The following GAL3ST3 variants were observed in gnomAD, a reference collection of about 807,000 sequenced individuals.
GAL3ST3 encodes galactose-3-O-sulfotransferase 3.
In GAL3ST3, 21 loss-of-function variants were observed where a neutral mutation model predicts 20.8. The ratio of observed to expected loss-of-function variants is 1.01; its 90% CI spans 0.72 to 1.45. GAL3ST3 has a LOEUF of 1.45. Ranked by LOEUF, GAL3ST3 falls within the 40% of genes most tolerant of loss-of-function variation. The pLI, the probability that GAL3ST3 is intolerant of heterozygous loss-of-function variation, is 0.00. For synonymous variants in GAL3ST3, 355 were observed against 307.2 expected, an observed-to-expected ratio of 1.16 and a Z score of -1.63; for missense variants, 739 against 662.7, an observed-to-expected ratio of 1.12 and a Z score of -1.26.
rs371386420 is a variant in GAL3ST3 at position 66,043,477 on chromosome 11, C to T, written c.326G>A (p.Arg109His). The change falls in exon 3 of 3, where the codon CGC becomes CAC. Residue 109 changes from arginine (R) to histidine (H), a missense_variant. By Grantham distance (29) the Arg-to-His change is conservative (BLOSUM62 0). Coordinates refer to ENST00000312006, the MANE Select transcript of GAL3ST3 (RefSeq NM_033036.3). ...GTGCACGAAGTGCGCCGAGAAGTTGCGGGGGTAGCAGAACTGGTGCTCGCA... is the reference window on the plus strand; with the variant it reads ...GTGCACGAAGTGCGCCGAGAAGTTGTGGGGGTAGCAGAACTGGTGCTCGCA... ...PSCEHQFCYP[R>H]NFSAHFVHPA... 3.6e-5 allele frequency: 58 copies of T among 1,610,008 alleles called. No individual in the cohort carries two copies. The highest frequency in any genetic ancestry group is 1.2e-4 in the South Asian group (11 of 91,000).
At chr11:66,047,805 C>T (rs1183763400) in intron 1 of GAL3ST3, among the ~76,000 whole-genome samples, 1 of 152,166 alleles carries the variant, frequency 6.6e-6, no homozygotes, top group East Asian at 1.9e-4. Context: ...TAGTGCTGCC[C>T]TCCTAGAGCA....
rs762977263 is a variant in GAL3ST3 at position 66,043,226 on chromosome 11, C to A, written c.577G>T (p.Ala193Ser). 2 of 1,612,256 alleles carry A rather than the reference C, an allele frequency of 1.2e-6. No homozygotes were observed. Among genetic ancestry groups the A allele is most frequent in the Non-Finnish European group, 1.7e-6 (2 of 1,179,462 alleles). The stretch of plus-strand genomic sequence containing the variant: ...GCGAACATGGCGAAGTGCTCGCCAG[C>A]GCGGTAGTATGCCTCGGGCGCGCGC... Reference protein sequence around the residue: ...FLRAPEAYYRAGEHFAMFAHN... With the variant: ...FLRAPEAYYRSGEHFAMFAHN... Residue 193 changes from alanine (A) to serine (S), a missense_variant, in exon 3 of 3, where the codon GCT becomes TCT. By Grantham distance (99) the Ala-to-Ser change is moderately conservative (BLOSUM62 1). Coordinates refer to ENST00000312006, the MANE Select transcript of GAL3ST3 (RefSeq NM_033036.3).
At chr11:66,048,224 ATGTC>A (rs1856801833) in intron 1 of GAL3ST3, among the ~76,000 whole-genome samples, 1 of 152,190 alleles carries the variant, frequency 6.6e-6, no homozygotes, top group African/African-American at 2.4e-5. Context: ...GCTCATCAGA[ATGTC>A]AGTGCTAATT....
At chr11:66,046,105 T>C (rs1357734571) in intron 1 of GAL3ST3, among the ~76,000 whole-genome samples, 2 of 152,212 alleles carry the variant, frequency 1.3e-5, no homozygotes, top group African/African-American at 4.8e-5. Context: ...CTAGGTATTA[T>C]TCCCACTGTA....
Position 66,043,341 on chromosome 11 carries a change from C to A in GAL3ST3, c.462G>T (p.Pro154=). The A allele has an allele frequency of 6.2e-7, 1 of 1,610,268 alleles. No homozygotes were observed. Among genetic ancestry groups the A allele is most frequent in the East Asian group, 2.2e-5 (1 of 44,694 alleles). ...STVYVTILRE[P]AAMFESLFSY... is the part of the protein sequence containing the mutation. ...TGAAGAGCGACTCGAACATGGCGGC[C>A]GGCTCGCGCAGGATGGTGACATAGA... Residue 154 remains proline (P), a synonymous_variant, in exon 3 of 3, where the codon CCG becomes CCT. Transcript: ENST00000312006.
intron 1 of GAL3ST3, among the ~76,000 whole-genome samples, chr11:66,048,099 A>G (rs1856800605): frequency 6.6e-6 from 1 of 152,116 alleles, no homozygotes; most frequent in Non-Finnish European, 1.5e-5. Flanking sequence ...GCTGTGCTTT[A>G]GAGCAGTGGC....
chr11:66,048,615 T>C (rs1856805929), intron 1 of GAL3ST3, among the ~76,000 whole-genome samples: 1 of 151,234 alleles, frequency 6.6e-6, no homozygotes. Context: ...TCCACCTCCC[T>C]CTTTTTCCTC....
At chr11:66,048,585 G>A (rs1256995244) in intron 1 of GAL3ST3, among the ~76,000 whole-genome samples, 3 of 151,932 alleles carry the variant, frequency 2.0e-5, no homozygotes. Flanking sequence ...GCAAAGTACT[G>A]GCCTGGGAGA....
Position 66,041,722 on chromosome 11 carries a change from C to A in GAL3ST3, c.*785G>T, listed in dbSNP as rs79912656. ...CAGAGATGATGCTCAGTAAATGTCGCAGAATTTTGTGAAAAAGAACGATGT... is the reference window on the plus strand; with the variant it reads ...CAGAGATGATGCTCAGTAAATGTCGAAGAATTTTGTGAAAAAGAACGATGT... On this transcript the variant is annotated 3_prime_UTR_variant, in exon 3 of 3. Coordinates refer to ENST00000312006, the MANE Select transcript of GAL3ST3 (RefSeq NM_033036.3). Among the ~76,000 whole-genome samples the A allele has an allele frequency of 0.023, 3,427 of 152,290 alleles. 152 individuals are homozygous for A. Among genetic ancestry groups the A allele is most frequent in the African/African-American group, 0.079 (3,264 of 41,536 alleles).
Position 66,041,564 on chromosome 11 carries a change from C to T in GAL3ST3, c.*943G>A, listed in dbSNP as rs1856704517. On this transcript the variant is annotated 3_prime_UTR_variant, in exon 3 of 3. Coordinates refer to ENST00000312006, the MANE Select transcript of GAL3ST3 (RefSeq NM_033036.3). ...ATCTGAAAATGATCCTCCTTCCACCCAAAGAGGTGTTGTGCTCTAACCCCT... is the reference window on the plus strand; with the variant it reads ...ATCTGAAAATGATCCTCCTTCCACCTAAAGAGGTGTTGTGCTCTAACCCCT... Among the ~76,000 whole-genome samples the T allele has an allele frequency of 6.6e-6, 1 of 152,200 alleles. No individual in the cohort carries two copies. The highest frequency in any genetic ancestry group is 2.1e-4 in the South Asian group (1 of 4,838).
In GAL3ST3 at chr11:66,040,790, T is replaced by C. The variant is rs1333376066; in HGVS notation, c.*1717A>G. On this transcript the variant is annotated 3_prime_UTR_variant, in exon 3 of 3. Transcript: ENST00000312006. Reference sequence around the variant, plus strand: ...TCTGGTACAATTCTTTACTGCTGCTTAATGTCAGAAACTTAATTATGCTTT... The same window carrying C: ...TCTGGTACAATTCTTTACTGCTGCTCAATGTCAGAAACTTAATTATGCTTT... 2.0e-5 allele frequency among the ~76,000 whole-genome samples: 3 copies of C among 152,232 alleles called. No individual in the cohort carries two copies. Among genetic ancestry groups the C allele is most frequent in the Non-Finnish European group, 4.4e-5 (3 of 68,048 alleles).
Position 66,043,546 on chromosome 11 carries a change from A to C in GAL3ST3, c.257T>G (p.Phe86Cys), listed in dbSNP as rs1331065439. The C allele has an allele frequency of 6.2e-7, 1 of 1,611,444 alleles. No individual in the cohort carries two copies. Among genetic ancestry groups the C allele is most frequent in the Non-Finnish European group, 8.5e-7 (1 of 1,179,866 alleles). ...CACCGTCAGGTTGTGGCGCTCGGCA[A>C]AGCGAAACAGGATGTTCTGCACCGT... ...GTTVQNILFRFAERHNLTVAL... is the reference protein window; with the variant it reads ...GTTVQNILFRCAERHNLTVAL... The change falls in exon 3 of 3, where the codon TTT (phenylalanine) becomes TGT (cysteine). Residue 86 changes from phenylalanine to cysteine, a missense_variant. Coordinates refer to ENST00000312006, the MANE Select transcript of GAL3ST3 (RefSeq NM_033036.3).
Position 66,041,267 on chromosome 11 carries a change from C to T in GAL3ST3, c.*1240G>A, listed in dbSNP as rs186494893. Among the ~76,000 whole-genome samples the T allele has an allele frequency of 3.3e-5, 5 of 152,340 alleles. No homozygotes were observed. In the East Asian group the frequency reaches 7.7e-4, roughly 23 times the overall value. On this transcript the variant is annotated 3_prime_UTR_variant, in exon 3 of 3. Coordinates refer to ENST00000312006, the MANE Select transcript of GAL3ST3 (RefSeq NM_033036.3). ...CATAAAGCCCTTAAACAGTGGCTGG[C>T]ACACCGTAGACCATAATAGCTATTG... is the stretch of plus-strand genomic sequence containing the variant.
chr11:66,045,865 C>T (rs1030193862), intron 1 of GAL3ST3, among the ~76,000 whole-genome samples: 5 of 152,170 alleles, frequency 3.3e-5, no homozygotes, highest in Admixed American at 2.6e-4. Context: ...CAGGGCTTGG[C>T]TCAGAACATA....
chr11:66,043,236 T>C lies in GAL3ST3; in HGVS notation c.567A>G (p.Ala189=). ...SLEAFLRAPE[A]YYRAGEHFAM... ...CGAAGTGCTCGCCAGCGCGGTAGTA[T>C]GCCTCGGGCGCGCGCAGGAAGGCCT... is the stretch of plus-strand genomic sequence containing the variant. The change falls in exon 3 of 3, where the codon GCA becomes GCG. Residue 189 remains alanine (A), a synonymous_variant. Transcript: ENST00000312006. The C allele has an allele frequency of 6.2e-7, 1 of 1,612,380 alleles. No individual in the cohort carries two copies. The highest frequency in any genetic ancestry group is 8.5e-7 in the Non-Finnish European group (1 of 1,179,420).
At chr11:66,046,094 C>A (rs1415824455) in intron 1 of GAL3ST3, among the ~76,000 whole-genome samples, 1 of 152,184 alleles carries the variant, frequency 6.6e-6, no homozygotes, top group Non-Finnish European at 1.5e-5. Flanking sequence ...ACAGCCCTGA[C>A]CTAGGTATTA....
chr11:66,048,356 A>G (rs1020387903), intron 1 of GAL3ST3, among the ~76,000 whole-genome samples: 5 of 152,032 alleles, frequency 3.3e-5, no homozygotes, highest in Non-Finnish European at 7.4e-5. Context: ...CGGGGTGCCC[A>G]CCCTCCTAAA....
intron 1 of GAL3ST3, among the ~76,000 whole-genome samples, chr11:66,047,226 A>C (rs555101219): frequency 4.5e-4 from 69 of 152,060 alleles, no homozygotes; most frequent in African/African-American, 1.3e-3. Context: ...TTGGCCCTCT[A>C]AGGATACACA....
chr11:66,046,017 G>A (rs1856779969), intron 1 of GAL3ST3, among the ~76,000 whole-genome samples: 1 of 152,188 alleles, frequency 6.6e-6, no homozygotes, highest in South Asian at 2.1e-4. Context: ...ATATGGCTTT[G>A]AGTCGATACT....
Sources: gnomAD v4.1 joint callset for allele counts (sites outside exome capture counted in the v4.1 genomes callset) on GRCh38, gnomAD v4.1.1 for gene constraint, MANE v1.5 for transcripts, NCBI Gene and HGNC (gene_info 2026-07-23, HGNC 2026-07-21) for gene names.